The following CSMD1 variants were observed in gnomAD, a reference collection of about 807,000 sequenced individuals.
CSMD1 encodes the protein CUB and sushi domain-containing protein 1.
A neutral mutation model predicts 417.5 loss-of-function variants in CSMD1; 213 were observed. The observed-to-expected ratio is 0.51, with a 90% CI of 0.46 to 0.57. The LOEUF is 0.57. Ranked by LOEUF, CSMD1 falls within the 20% of genes least tolerant of loss-of-function variation. CSMD1 has a pLI of 0.00. For synonymous variants in CSMD1, 2,862 were observed against 1,736.8 expected (o/e 1.65, Z -16.11); for missense variants, 6,923 against 4,529.7 (o/e 1.53, Z -15.17).
At chr8:3,730,500 G>A (rs1017328918) in intron 6 of CSMD1, among the ~76,000 whole-genome samples, 11 of 151,704 alleles carry the variant, frequency 7.3e-5, no homozygotes, top group Non-Finnish European at 8.8e-5. Flanking sequence ...ATTGACTGAT[G>A]CTGATTTGGC....
At chr8:3,664,427 A>T (rs13255284) in intron 7 of CSMD1, among the ~76,000 whole-genome samples, 3 of 152,082 alleles carry the variant, frequency 2.0e-5, no homozygotes, top group Non-Finnish European at 4.4e-5. Flanking sequence ...TTCCAAAACC[A>T]TGTTATTCTG....
chr8:4,405,533 G>A (rs368074723), intron 3 of CSMD1, among the ~76,000 whole-genome samples: 2 of 152,060 alleles, frequency 1.3e-5, no homozygotes, highest in Non-Finnish European at 2.9e-5. Context: ...AAAAATTATA[G>A]TAAGTGCCAT....
chr8:4,306,388 TA>T (rs200826347), intron 3 of CSMD1, among the ~76,000 whole-genome samples: 283 of 89,528 alleles, frequency 3.2e-3, no homozygotes, highest in African/African-American at 0.012. Context: ...AATGCTGGAT[TA>T]AAAAACCTAC....
rs267601889 is a variant in CSMD1, at chr8:2,978,759, G to A, written c.8419C>T (p.Arg2807Cys). The change falls in exon 55 of 70, where the codon CGT (arginine) becomes TGT (cysteine). Residue 2807 changes from arginine (R) to cysteine (C), a missense_variant. Arg to Cys is a radical substitution (Grantham distance 180, BLOSUM62 -3). Transcript: ENST00000635120. ...SDPGFVENAI[R>C]HGQQNFPESF... Reference sequence around the variant, plus strand: ...TCAGGGAAGTTCTGTTGCCCGTGACGAATGGCATTTTCCACAAAGCCTGGA... The same window carrying A: ...TCAGGGAAGTTCTGTTGCCCGTGACAAATGGCATTTTCCACAAAGCCTGGA... 1.6e-5 allele frequency: 26 copies of A among 1,613,268 alleles called. No individual in the cohort carries two copies. The highest frequency in any genetic ancestry group is 2.7e-5 in the African/African-American group (2 of 74,888).
chr8:4,849,873 A>T (rs58523748), intron 1 of CSMD1, among the ~76,000 whole-genome samples: 1,736 of 152,274 alleles, frequency 0.011, 32 homozygotes, highest in African/African-American at 0.04. Flanking sequence ...ATATGTTTTC[A>T]TTGCTCATGG....
chr8:3,527,261 T>G (rs746897819), intron 10 of CSMD1, among the ~76,000 whole-genome samples: 1 of 152,176 alleles, frequency 6.6e-6, no homozygotes, highest in African/African-American at 2.4e-5. Flanking sequence ...AGGGCGCTGA[T>G]AGGGAATTAT....
At chr8:3,308,788 A>C (rs1391177829) in intron 23 of CSMD1, among the ~76,000 whole-genome samples, 6 of 123,202 alleles carry the variant, frequency 4.9e-5, no homozygotes, top group Non-Finnish European at 7.9e-5. Flanking sequence ...CAATGGCGTG[A>C]TCTTGCCTCA....
At chr8:4,170,978 C>G (rs1209734847) in intron 3 of CSMD1, among the ~76,000 whole-genome samples, 1 of 151,916 alleles carries the variant, frequency 6.6e-6, no homozygotes, top group Admixed American at 6.5e-5. Flanking sequence ...AGTTGACGAA[C>G]TGAGACTGTA....
intron 10 of CSMD1, among the ~76,000 whole-genome samples, chr8:3,529,672 G>C (rs897695463): frequency 1.1e-4 from 16 of 152,174 alleles, no homozygotes; most frequent in Admixed American, 9.2e-4. Flanking sequence ...CTTCTCAGAA[G>C]AGCTTACTAA....
intron 4 of CSMD1, among the ~76,000 whole-genome samples, chr8:4,024,384 G>A (rs1250125516): frequency 1.3e-5 from 2 of 152,158 alleles, no homozygotes; most frequent in Non-Finnish European, 2.9e-5. Flanking sequence ...TGGATACGCT[G>A]ATGGAAGTTT....
chr8:4,542,811 T>C (rs1358114), intron 2 of CSMD1, among the ~76,000 whole-genome samples: 66,454 of 152,028 alleles, frequency 0.44, 14,645 homozygotes, highest in Middle Eastern at 0.51. Context: ...AAATATAACA[T>C]GATTATATTA....
chr8:4,121,233 G>C (rs889939477), intron 3 of CSMD1, among the ~76,000 whole-genome samples: 12 of 152,136 alleles, frequency 7.9e-5, no homozygotes, highest in African/African-American at 2.7e-4. Context: ...TCCTGCCTCA[G>C]CCTCCCAGCT....
At chr8:2,985,580 G>A (rs1805823384) in intron 54 of CSMD1, among the ~76,000 whole-genome samples, 2 of 152,172 alleles carry the variant, frequency 1.3e-5, no homozygotes, top group South Asian at 2.1e-4. Context: ...GTTTTCTTCT[G>A]AAATTTTACT....
At chr8:3,295,897 C>T (rs556015608) in intron 25 of CSMD1, among the ~76,000 whole-genome samples, 99 of 152,180 alleles carry the variant, frequency 6.5e-4, no homozygotes, top group African/African-American at 2.3e-3. Context: ...ATTTACTCGG[C>T]ACCAAGAGTG....
chr8:4,203,216 T>C (rs865940921), intron 3 of CSMD1, among the ~76,000 whole-genome samples: 3 of 152,138 alleles, frequency 2.0e-5, no homozygotes, highest in South Asian at 2.1e-4. Flanking sequence ...GCTTTGAAGA[T>C]GGAGAAAGAA....
rs1241906944 is a variant in CSMD1, at chr8:4,143,858, C to G, written c.416-111759G>C. Among the ~76,000 whole-genome samples the G allele has an allele frequency of 2.0e-5, 3 of 151,064 alleles. 1 individual carries two copies. Among genetic ancestry groups the G allele is most frequent in the African/African-American group, 7.4e-5 (3 of 40,432 alleles). ...TTTAAGTACTTATTTTGAGGTCCCT[C>G]TCAGTTACCCCTTATCTGGATGAAG... On this transcript the variant is annotated intron_variant, in intron 3 of 69. Coordinates refer to ENST00000635120, the MANE Select transcript of CSMD1 (RefSeq NM_033225.6).
intron 25 of CSMD1, among the ~76,000 whole-genome samples, chr8:3,286,747 C>A (rs184940858): frequency 0.05 from 7,538 of 152,026 alleles, 657 homozygotes; most frequent in African/African-American, 0.17. Flanking sequence ...GAGTAGATTG[C>A]AAAAATTTTC....
intron 5 of CSMD1, among the ~76,000 whole-genome samples, chr8:3,974,354 G>A (rs1322521472): frequency 6.6e-6 from 1 of 151,488 alleles, no homozygotes; most frequent in Non-Finnish European, 1.5e-5. Context: ...TGAAAGAAAT[G>A]GAATCAAATA....
intron 3 of CSMD1, among the ~76,000 whole-genome samples, chr8:4,343,324 G>C (rs930284799): frequency 1.3e-5 from 2 of 152,042 alleles, no homozygotes; most frequent in South Asian, 4.1e-4. Flanking sequence ...TTTAGTAAGA[G>C]AATGAATACA....
Sources: allele counts gnomAD v4.1 joint callset (sites outside exome capture counted in the v4.1 genomes callset), GRCh38; gene constraint gnomAD v4.1.1; transcripts MANE v1.5; gene names NCBI Gene and HGNC (gene_info 2026-07-23, HGNC 2026-07-21).